COL4A5: variants seen among roughly 807,000 people sequenced by gnomAD.
The protein encoded by COL4A5 is collagen alpha-5(IV) chain.
COL4A5 carries 26 observed loss-of-function variants against 130.2 expected under a neutral mutation model. That is an observed-to-expected ratio of 0.20 (90% confidence interval 0.15 to 0.28). The LOEUF (loss-of-function observed/expected upper bound fraction) is 0.28. Among genes scored for constraint, COL4A5 ranks in the 10% least tolerant of loss-of-function variants. The probability of loss-of-function intolerance (pLI) is 1.00; values close to 1 mark genes in which losing one functional copy is unlikely to be tolerated. For synonymous variants in COL4A5, 496 were observed against 439.6 expected, an observed-to-expected ratio of 1.13 and a Z score of -1.60; for missense variants, 1,131 against 1,344.3, an observed-to-expected ratio of 0.84 and a Z score of 2.48.
intron 42 of COL4A5, among the ~76,000 whole-genome samples, chrX:108,673,755 T>C (rs1444649341): frequency 9.3e-6 from 1 of 107,972 alleles, no homozygotes; most frequent in Admixed American, 1.0e-4. Flanking sequence ...ATAATAATAA[T>C]AATAGGCCAG....
intron 42 of COL4A5, 181 bp from the exon 43 acceptor site, chrX:108,674,564 G>A (rs2068268555): frequency 2.2e-6 from 1 of 445,381 alleles, no homozygotes; most frequent in Non-Finnish European, 3.8e-6. Context: ...CTATACTTCT[G>A]TATGGTTCTG....
Position 108,563,970 on chromosome X carries a change from CAGAT to C in COL4A5, c.276+48_276+51del, listed in dbSNP as rs755118440. 1.4e-4 allele frequency: 144 copies of C among 1,047,903 alleles called. No individual in the cohort carries two copies. In the Admixed American group the frequency reaches 1.4e-3, roughly 10 times the overall value. The allele number at this position is 1,047,903 out of a possible 1,213,427, so 86.4% of individuals were successfully genotyped here. A position where few individuals can be genotyped will look rare whatever the true frequency, so the allele number is the denominator to read the frequency against. On this transcript the variant is annotated intron_variant, in intron 4 of 52. Transcript: ENST00000328300. ...ATATCAAATACTTTGTTGGTGGAAACAGATAGAGAACAAATGAAGTATTATGAGA... is the reference window on the plus strand; with the variant it reads ...ATATCAAATACTTTGTTGGTGGAAACAGAGAACAAATGAAGTATTATGAGA...
Position 108,500,850 on chromosome X carries a change from T to C in COL4A5, c.82-38896T>C, listed in dbSNP as rs768889577. Reference sequence around the variant, plus strand: ...CTTTTTAAAGGTGCATACATATATATACACACATGCATTTCAGACCAACGA... The same window carrying C: ...CTTTTTAAAGGTGCATACATATATACACACACATGCATTTCAGACCAACGA... On this transcript the variant is annotated intron_variant, in intron 1 of 52. Coordinates refer to ENST00000328300, the MANE Select transcript of COL4A5 (RefSeq NM_033380.3). 1.2e-4 allele frequency among the ~76,000 whole-genome samples: 13 copies of C among 111,340 alleles called. No homozygotes were observed. In the South Asian group the frequency reaches 5.0e-3, roughly 43 times the overall value.
At chrX:108,680,531 A>C (rs1332778631) in intron 44 of COL4A5, 148 bp from the exon 45 acceptor site, 3 of 506,793 alleles carry the variant, frequency 5.9e-6, no homozygotes, top group Non-Finnish European at 1.0e-5. Context: ...AATTCACACA[A>C]GATAATATAA....
At chrX:108,666,239 T>C (rs146894129) in intron 38 of COL4A5, among the ~76,000 whole-genome samples, 48 of 111,564 alleles carry the variant, frequency 4.3e-4, no homozygotes, top group African/African-American at 1.4e-3. Context: ...AGGCCTATAA[T>C]TCTCCCCACC....
In COL4A5 at chrX:108,606,826, C is replaced by T. The variant is rs779033931; in HGVS notation, c.2329C>T (p.Arg777Cys). The T allele has an allele frequency of 3.0e-5, 36 of 1,209,487 alleles. No homozygotes were observed. Among genetic ancestry groups the T allele is most frequent in the Non-Finnish European group, 3.9e-5 (35 of 894,873 alleles). ...AGGAGCACTTGGTCCAAAAGGTGAT[C>T]GTGGTTTCCCAGGACCTCCGGGTCC... is the stretch of plus-strand genomic sequence containing the variant. Reference protein sequence around the residue: ...FKGALGPKGDRGFPGPPGPPG... With the variant: ...FKGALGPKGDCGFPGPPGPPG... Residue 777 changes from arginine to cysteine, a missense_variant, in exon 29 of 53, where the codon CGT becomes TGT. By Grantham distance (180) the Arg-to-Cys change is radical (BLOSUM62 -3). Coordinates refer to ENST00000328300, the MANE Select transcript of COL4A5 (RefSeq NM_033380.3).
At chrX:108,507,685 G>C (rs1441974799) in intron 1 of COL4A5, among the ~76,000 whole-genome samples, 2 of 111,278 alleles carry the variant, frequency 1.8e-5, no homozygotes, top group Non-Finnish European at 3.8e-5. Context: ...GCATGCACCT[G>C]TAGTCCCAGC....
At chrX:108,486,463 G>A (rs1407361504) in intron 1 of COL4A5, among the ~76,000 whole-genome samples, 7 of 111,284 alleles carry the variant, frequency 6.3e-5, no homozygotes, top group African/African-American at 1.6e-4. Context: ...GGTGGTGTTT[G>A]GTTATATGAA....
chrX:108,627,274 AAG>A, intron 36 of COL4A5: 3 of 609,510 alleles, frequency 4.9e-6, no homozygotes, highest in Non-Finnish European at 5.9e-6. Flanking sequence ...TATTAAGGGT[AAG>A]AGTGAAAATC....
At chrX:108,507,062 A>T (rs1372474270) in intron 1 of COL4A5, among the ~76,000 whole-genome samples, 1 of 110,061 alleles carries the variant, frequency 9.1e-6, no homozygotes, top group Non-Finnish European at 1.9e-5. Context: ...ATAGCCTACC[A>T]ACAAAAAAAA....
intron 19 of COL4A5, among the ~76,000 whole-genome samples, chrX:108,588,223 A>G (rs759466525): frequency 1.4e-4 from 16 of 111,334 alleles, no homozygotes; most frequent in Non-Finnish European, 2.5e-4. Flanking sequence ...CCTGGCACAC[A>G]TACATATTCA....
intron 2 of COL4A5, among the ~76,000 whole-genome samples, chrX:108,558,146 T>A (rs1361237624): frequency 1.1e-5 from 1 of 92,600 alleles, no homozygotes; most frequent in East Asian, 3.7e-4. Flanking sequence ...CATTGTTCAA[T>A]TCCCACCTAT....
intron 2 of COL4A5, among the ~76,000 whole-genome samples, chrX:108,544,885 GT>G (rs758345201): frequency 8.9e-6 from 1 of 112,035 alleles, no homozygotes; most frequent in South Asian, 3.7e-4. Flanking sequence ...AGATTTTCTA[GT>G]TTATTTGCGT....
intron 1 of COL4A5, among the ~76,000 whole-genome samples, chrX:108,486,473 A>G (rs1156266353): frequency 9.0e-6 from 1 of 111,355 alleles, no homozygotes; most frequent in African/African-American, 3.3e-5. Flanking sequence ...GGTTATATGA[A>G]TAAGTTCTTT....
At chrX:108,620,117 T>G in intron 30 of COL4A5, 142 bp from the exon 31 acceptor site, 2 of 511,997 alleles carry the variant, frequency 3.9e-6, no homozygotes, top group South Asian at 5.7e-5. Context: ...AGTTATTTTG[T>G]GTGCATGATG....
chrX:108,526,671 CTCTTTCTTTCTT>C (rs71946950), intron 1 of COL4A5, among the ~76,000 whole-genome samples: 5,514 of 41,485 alleles, frequency 0.13, 509 homozygotes, highest in Middle Eastern at 0.16. Flanking sequence ...TTCTTTCTTT[CTCTTTCTTTCTT>C]TCTTTCTTTC....
chrX:108,492,135 C>T (rs866676896), intron 1 of COL4A5, among the ~76,000 whole-genome samples: 1 of 111,690 alleles, frequency 9.0e-6, no homozygotes, highest in Admixed American at 9.5e-5. Context: ...GCTTTCACCT[C>T]TGGCTTATCT....
chrX:108,637,312 G>A (rs1391452991), intron 36 of COL4A5, among the ~76,000 whole-genome samples: 1 of 110,549 alleles, frequency 9.0e-6, no homozygotes, highest in Non-Finnish European at 1.9e-5. Context: ...ATGCTAAATG[G>A]GAAATTAATA....
intron 1 of COL4A5, among the ~76,000 whole-genome samples, chrX:108,483,301 A>G (rs1290632557): frequency 2.7e-5 from 3 of 110,492 alleles, no homozygotes; most frequent in Non-Finnish European, 1.9e-5. Context: ...AGGTCCCACA[A>G]TATGCTGTCT....
Sources: gnomAD v4.1 joint callset for allele counts (sites outside exome capture counted in the v4.1 genomes callset) on GRCh38, gnomAD v4.1.1 for gene constraint, MANE v1.5 for transcripts, NCBI Gene and HGNC (gene_info 2026-07-23, HGNC 2026-07-21) for gene names.